The following MGMT variants were observed in gnomAD, a reference collection of about 807,000 sequenced individuals.
MGMT encodes the protein methylated-DNA--protein-cysteine methyltransferase.
A neutral mutation model predicts 15.9 loss-of-function variants in MGMT; 14 were observed. The observed-to-expected ratio is 0.88, with a 90% CI of 0.58 to 1.37. MGMT has a LOEUF of 1.37. Ranked by LOEUF, MGMT falls within the 40% of genes most tolerant of loss-of-function variation. The pLI, the probability that MGMT is intolerant of heterozygous loss-of-function variation, is 0.00. For synonymous variants in MGMT, 130 were observed against 118.2 expected, an observed-to-expected ratio of 1.10 and a Z score of -0.65; for missense variants, 282 against 268.1, an observed-to-expected ratio of 1.05 and a Z score of -0.36.
chr10:129,496,118 CTT>C (rs1008096663), intron 1 of MGMT, among the ~76,000 whole-genome samples: 2 of 152,186 alleles, frequency 1.3e-5, no homozygotes, highest in African/African-American at 4.8e-5. Context: ...TATCCTCACT[CTT>C]TAAGAAATAA....
intron 2 of MGMT, among the ~76,000 whole-genome samples, chr10:129,576,199 T>A (rs1330999903): frequency 6.6e-6 from 1 of 152,182 alleles, no homozygotes; most frequent in Non-Finnish European, 1.5e-5. Flanking sequence ...GCCAGCATCA[T>A]CCTGATACCA....
intron 2 of MGMT, among the ~76,000 whole-genome samples, chr10:129,679,833 C>A (rs1039117504): frequency 3.9e-5 from 6 of 152,122 alleles, no homozygotes; most frequent in African/African-American, 1.4e-4. Flanking sequence ...GTCGCATATA[C>A]CAGACAACAC....
chr10:129,765,262 C>G (rs1300215382), intron 4 of MGMT, among the ~76,000 whole-genome samples: 1 of 152,176 alleles, frequency 6.6e-6, no homozygotes, highest in African/African-American at 2.4e-5. Flanking sequence ...CCAATTCTTT[C>G]TTTAGAAATC....
At chr10:129,762,219 T>TA (rs1370294503) in intron 4 of MGMT, among the ~76,000 whole-genome samples, 2 of 152,184 alleles carry the variant, frequency 1.3e-5, no homozygotes, top group African/African-American at 4.8e-5. Flanking sequence ...ACATCCCTTA[T>TA]ATTCAGGATG....
chr10:129,724,981 C>T (rs1486650230), intron 3 of MGMT, among the ~76,000 whole-genome samples: 1 of 152,212 alleles, frequency 6.6e-6, no homozygotes, highest in Non-Finnish European at 1.5e-5. Flanking sequence ...CAGGGTGAGT[C>T]TGGGAGGTCT....
intron 2 of MGMT, among the ~76,000 whole-genome samples, chr10:129,632,169 T>C (rs894771073): frequency 1.3e-5 from 2 of 152,254 alleles, no homozygotes; most frequent in Admixed American, 6.5e-5. Flanking sequence ...TAGACATGAC[T>C]TTTATTGGAT....
At chr10:129,759,452 G>T in intron 4 of MGMT, 111 bp downstream of exon 4, 18 of 1,507,536 alleles carry the variant, frequency 1.2e-5, no homozygotes, top group Non-Finnish European at 1.6e-5. Flanking sequence ...GCTGGGGTGG[G>T]CAGAGGGGCG....
At chr10:129,480,064 T>C (rs1442129679) in intron 1 of MGMT, among the ~76,000 whole-genome samples, 1 of 152,194 alleles carries the variant, frequency 6.6e-6, no homozygotes, top group East Asian at 1.9e-4. Flanking sequence ...GGGAGGAATG[T>C]TATCAGTTTC....
At position 129,598,102 on chromosome 10, in the gene MGMT, C is replaced by T. The variant is rs140569942; in HGVS notation, c.125+61725C>T. On this transcript the variant is annotated intron_variant, in intron 2 of 4. Transcript: ENST00000651593. ...TTCAATGTTTAGTGTGTGCCAGCCA[C>T]GTTCTAGGCACCGTGGATGCGGCCA... Among the ~76,000 whole-genome samples, 100 of 152,292 alleles carry T rather than the reference C, an allele frequency of 6.6e-4. 1 individual carries two copies. The highest frequency in any genetic ancestry group is 3.4e-3 in the Middle Eastern group (1 of 294).
intron 3 of MGMT, among the ~76,000 whole-genome samples, chr10:129,755,478 GGCCTGA>G (rs1200002314): frequency 6.6e-5 from 10 of 152,356 alleles, no homozygotes; most frequent in Non-Finnish European, 1.3e-4. Flanking sequence ...TGTGTGTATG[GGCCTGA>G]GTATGCCCCT....
chr10:129,477,848 G>A (rs73378871), intron 1 of MGMT, among the ~76,000 whole-genome samples: 3,617 of 152,320 alleles, frequency 0.024, 143 homozygotes, highest in African/African-American at 0.081. Context: ...AAGGGATTGT[G>A]TATGAAGTTG....
chr10:129,633,418 C>T (rs488116), intron 2 of MGMT, among the ~76,000 whole-genome samples: 16,557 of 152,184 alleles, frequency 0.11, 1,895 homozygotes, highest in African/African-American at 0.29. Context: ...AGAGTTACAA[C>T]TGTGCCATGT....
At chr10:129,646,802 C>T (rs919622944) in intron 2 of MGMT, among the ~76,000 whole-genome samples, 8 of 141,408 alleles carry the variant, frequency 5.7e-5, no homozygotes, top group Admixed American at 7.4e-5. Flanking sequence ...GCTTGTCAGG[C>T]GTCTTGTCTG....
chr10:129,692,217 T>G (rs1224844137), intron 2 of MGMT, among the ~76,000 whole-genome samples: 1 of 152,092 alleles, frequency 6.6e-6, no homozygotes, highest in Non-Finnish European at 1.5e-5. Context: ...AGGGCTTAGG[T>G]CTGGAGCGTT....
chr10:129,517,229 C>T (rs1224064519), intron 1 of MGMT, among the ~76,000 whole-genome samples: 1 of 152,252 alleles, frequency 6.6e-6, no homozygotes, highest in Non-Finnish European at 1.5e-5. Context: ...TCTGAATGGA[C>T]CTCAGAGGTC....
At chr10:129,734,474 G>A (rs531015936) in intron 3 of MGMT, among the ~76,000 whole-genome samples, 114 of 151,146 alleles carry the variant, frequency 7.5e-4, no homozygotes, top group Non-Finnish European at 1.1e-3. Flanking sequence ...AGACAGTGGG[G>A]TCTTCTGGAT....
chr10:129,710,317 A>T (rs1232340383), intron 3 of MGMT, among the ~76,000 whole-genome samples: 1 of 152,144 alleles, frequency 6.6e-6, no homozygotes, highest in African/African-American at 2.4e-5. Flanking sequence ...AAGTTTTGGG[A>T]TGGTAGTGCG....
At chr10:129,719,803 G>C (rs531864856) in intron 3 of MGMT, among the ~76,000 whole-genome samples, 1 of 151,916 alleles carries the variant, frequency 6.6e-6, no homozygotes, top group Non-Finnish European at 1.5e-5. Context: ...CACCCTTTCC[G>C]AGCCTCTGAT....
chr10:129,764,122 C>T (rs977383877), intron 4 of MGMT, among the ~76,000 whole-genome samples: 9 of 152,210 alleles, frequency 5.9e-5, no homozygotes, highest in African/African-American at 1.7e-4. Context: ...AAGTGTGGTG[C>T]GTGGAGCCAT....
Sources: allele counts gnomAD v4.1 joint callset (sites outside exome capture counted in the v4.1 genomes callset), GRCh38; gene constraint gnomAD v4.1.1; transcripts MANE v1.5; gene names NCBI Gene and HGNC (gene_info 2026-07-23, HGNC 2026-07-21).